The following SPAG9 variants were observed in gnomAD, a reference collection of about 807,000 sequenced individuals.
SPAG9 encodes the protein sperm associated antigen 9.
A neutral mutation model predicts 166.5 loss-of-function variants in SPAG9; 35 were observed. That is an observed-to-expected ratio of 0.21 (90% CI 0.16 to 0.28). SPAG9 has a LOEUF of 0.28. SPAG9 is among the 10% of genes least tolerant of loss of function. The pLI, the probability that SPAG9 is intolerant of heterozygous loss-of-function variation, is 1.00. For missense variants in SPAG9, 1,235 were observed against 1,603.3 expected, an observed-to-expected ratio of 0.77 and a Z score of 3.92; for synonymous variants, 534 against 565.5, an observed-to-expected ratio of 0.94 and a Z score of 0.79.
intron 9 of SPAG9, among the ~76,000 whole-genome samples, chr17:51,010,943 A>G (rs944124188): frequency 5.3e-5 from 8 of 152,162 alleles, no homozygotes; most frequent in Admixed American, 5.2e-4. Flanking sequence ...GATTTCTTAA[A>G]CAAAGTATCA....
chr17:51,031,764 T>C (rs754642638), intron 5 of SPAG9, 42 bp from the exon 6 acceptor site: 27 of 1,424,750 alleles, frequency 1.9e-5, no homozygotes, highest in Middle Eastern at 1.7e-4. Flanking sequence ...AAATTATGTG[T>C]TTACTAGGTT....
rs765419564 is a variant in SPAG9, at chr17:51,079,662, C to T, written c.346G>A (p.Asp116Asn). ...FEDSQEQEKKDLQTRVESLES... is the reference protein window; with the variant it reads ...FEDSQEQEKKNLQTRVESLES... Reference sequence around the variant, plus strand: ...AAAGATTCCACTCGGGTCTGTAAGTCCTTTTTTTCCTGTTCTTGAGAGTCT... The same window carrying T: ...AAAGATTCCACTCGGGTCTGTAAGTTCTTTTTTTCCTGTTCTTGAGAGTCT... The change falls in exon 2 of 30, where the codon GAC becomes AAC. Residue 116 changes from aspartate (D) to asparagine (N), a missense_variant. Around this residue, in one of 6 missense-constraint regions of SPAG9, gnomAD observed 288 missense variants for 323.7 expected, o/e 0.89. Transcript: ENST00000262013. The T allele has an allele frequency of 1.2e-6, 2 of 1,600,914 alleles. No homozygotes were observed. Among genetic ancestry groups the T allele is most frequent in the Admixed American group, 1.7e-5 (1 of 59,962 alleles).
rs951483656 is a variant in SPAG9, at chr17:51,105,666, G to A, written c.303+14688C>T. Among the ~76,000 whole-genome samples the A allele has an allele frequency of 4.0e-5, 6 of 151,558 alleles. No homozygotes were observed. The South Asian group carries it at 6.3e-4, about 16-fold the overall frequency. ...GGGCAGATCACGAGGTCAGGAGATC[G>A]AGGCCATCCTGGCTAACACAGTGAA... On this transcript the variant is annotated intron_variant, in intron 1 of 29. Coordinates refer to ENST00000262013, the MANE Select transcript of SPAG9 (RefSeq NM_001130528.3).
chr17:51,001,989 A>G, intron 12 of SPAG9, 144 bp from the exon 13 acceptor site: 1 of 719,430 alleles, frequency 1.4e-6, no homozygotes, highest in Non-Finnish European at 2.3e-6. Context: ...TGGCTTTATA[A>G]AAACAAAATC....
At chr17:51,076,714 C>T (rs760311286) in intron 2 of SPAG9, among the ~76,000 whole-genome samples, 3 of 149,656 alleles carry the variant, frequency 2.0e-5, no homozygotes, top group East Asian at 2.0e-4. Flanking sequence ...CCAGCCTGGG[C>T]GATAGAACAA....
chr17:51,101,635 A>G (rs569873854), intron 1 of SPAG9, among the ~76,000 whole-genome samples: 47 of 151,830 alleles, frequency 3.1e-4, no homozygotes, highest in African/African-American at 1.1e-3. Context: ...TGAGGGGGAC[A>G]GGGGAGGGAT....
intron 15 of SPAG9, among the ~76,000 whole-genome samples, 193 bp downstream of exon 15, chr17:50,998,251 C>T (rs965907219): frequency 2.0e-5 from 3 of 151,826 alleles, no homozygotes; most frequent in African/African-American, 4.8e-5. Context: ...AGACTGGTCT[C>T]GAACTCCTGA....
intron 4 of SPAG9, among the ~76,000 whole-genome samples, chr17:51,047,130 A>C (rs1035609080): frequency 6.6e-5 from 10 of 152,208 alleles, no homozygotes; most frequent in African/African-American, 2.4e-4. Context: ...AATCTCCATC[A>C]AGTATCAGAA....
chr17:51,105,592 C>T (rs1052650590), intron 1 of SPAG9, among the ~76,000 whole-genome samples: 4 of 152,102 alleles, frequency 2.6e-5, no homozygotes, highest in Non-Finnish European at 5.9e-5. Context: ...AAAGCTTGGC[C>T]GGGCGCAGTG....
rs563087657 is a variant in SPAG9 at position 51,021,948 on chromosome 17, C to T, written c.784-583G>A. On this transcript the variant is annotated intron_variant, in intron 6 of 29. Transcript: ENST00000262013. ...GACCAGCCTGGCCAACATGGTGAAA[C>T]CCCGTCTCTACTAAAAATACAAAAA... 9.9e-5 allele frequency among the ~76,000 whole-genome samples: 15 copies of T among 152,082 alleles called. No homozygotes were observed. In the South Asian group the frequency reaches 1.2e-3, roughly 13 times the overall value.
intron 6 of SPAG9, among the ~76,000 whole-genome samples, chr17:51,022,019 A>G (rs924299128): frequency 2.0e-5 from 3 of 149,866 alleles, no homozygotes; most frequent in African/African-American, 7.4e-5. Context: ...GCTACTTGGG[A>G]GGCTGAGGCA....
At chr17:51,070,067 T>C (rs2047780107) in intron 2 of SPAG9, among the ~76,000 whole-genome samples, 1 of 138,522 alleles carries the variant, frequency 7.2e-6, no homozygotes, top group Non-Finnish European at 1.6e-5. Flanking sequence ...TAGACCCTCA[T>C]CTCTTAAAAA....
rs888921052 is a variant in SPAG9, at chr17:51,099,453, G to GA, written c.304-19750dup. On this transcript the variant is annotated intron_variant, in intron 1 of 29. Coordinates refer to ENST00000262013, the MANE Select transcript of SPAG9 (RefSeq NM_001130528.3). The stretch of plus-strand genomic sequence containing the variant: ...TGTCTCAAAAAAAAAAAAAAAAAAG[G>GA]AAAAAAAATACAGTGAAATAGTAGT... 5.4e-5 allele frequency among the ~76,000 whole-genome samples: 8 copies of GA among 147,408 alleles called. No homozygotes were observed. In the South Asian group the frequency reaches 1.5e-3, roughly 28 times the overall value.
intron 28 of SPAG9, among the ~76,000 whole-genome samples, chr17:50,971,615 G>A (rs1276892925): frequency 1.3e-5 from 2 of 151,444 alleles, no homozygotes; most frequent in African/African-American, 2.4e-5. Flanking sequence ...CTACAGGCAC[G>A]TGCCACCATG....
chr17:51,051,348 A>T (rs1171452518), intron 3 of SPAG9, among the ~76,000 whole-genome samples: 1 of 152,132 alleles, frequency 6.6e-6, no homozygotes, highest in Non-Finnish European at 1.5e-5. Context: ...ACCTCAGATA[A>T]TCCCCCCACC....
Position 50,993,804 on chromosome 17 carries a change from A to C in SPAG9, c.2358T>G (p.Thr786=). 1 of 1,614,196 alleles carries C rather than the reference A, an allele frequency of 6.2e-7. No individual in the cohort carries two copies. Among genetic ancestry groups the C allele is most frequent in the East Asian group, 2.2e-5 (1 of 44,884 alleles). The change falls in exon 19 of 30, where the codon ACT becomes ACG. Residue 786 remains threonine, a synonymous_variant. Transcript: ENST00000262013. ...VQPGNILDSF[T]VCNSHVLCIA... ...TGCACAGAACATGAGAGTTGCAAAC[A>C]GTGAAACTGTCTAGGATGTTGCCAG... is the stretch of plus-strand genomic sequence containing the variant.
At chr17:51,015,810 C>T (rs2045674993) in intron 8 of SPAG9, among the ~76,000 whole-genome samples, 1 of 151,470 alleles carries the variant, frequency 6.6e-6, no homozygotes, top group Non-Finnish European at 1.5e-5. Context: ...ATGACAGTCA[C>T]TCCAGGATGT....
At chr17:51,022,425 T>C (rs2045975476) in intron 6 of SPAG9, among the ~76,000 whole-genome samples, 1 of 152,160 alleles carries the variant, frequency 6.6e-6, no homozygotes, top group African/African-American at 2.4e-5. Flanking sequence ...AAGAGGTATA[T>C]GCAAATTGAA....
chr17:51,081,336 A>T (rs914277846), intron 1 of SPAG9, among the ~76,000 whole-genome samples: 4 of 152,132 alleles, frequency 2.6e-5, no homozygotes, highest in African/African-American at 9.7e-5. Flanking sequence ...CTGTAATCCC[A>T]GTTACTGAGG....
Sources: gnomAD v4.1 joint callset for allele counts (sites outside exome capture counted in the v4.1 genomes callset) on GRCh38, gnomAD v4.1.1 for gene constraint, gnomAD v4.1.1 regional missense constraint, MANE v1.5 for transcripts, NCBI Gene and HGNC (gene_info 2026-07-23, HGNC 2026-07-21) for gene names.